USH2A: variants seen among roughly 807,000 people sequenced by gnomAD.
The protein encoded by USH2A is Usher syndrome 2A (autosomal recessive, mild).
USH2A carries 443 observed loss-of-function variants against 538.9 expected under a neutral mutation model. The ratio of observed to expected loss-of-function variants is 0.82; its 90% CI spans 0.76 to 0.89. The LOEUF (loss-of-function observed/expected upper bound fraction) is 0.89, where lower values mean the gene tolerates loss of function less well. Ranked by LOEUF, USH2A falls within the 40% of genes least tolerant of loss-of-function variation. The pLI, the probability that USH2A is intolerant of heterozygous loss-of-function variation, is 0.00. For synonymous variants in USH2A, 2,413 were observed against 2,273.5 expected, an observed-to-expected ratio of 1.06 and a Z score of -1.75; for missense variants, 6,633 against 6,324.8, an observed-to-expected ratio of 1.05 and a Z score of -1.65.
chr1:216,042,923 G>A (rs2102521739), intron 32 of USH2A, among the ~76,000 whole-genome samples: 1 of 152,132 alleles, frequency 6.6e-6, no homozygotes, highest in African/African-American at 2.4e-5. Context: ...CTACAGTGAG[G>A]AGGCCACTAT....
chr1:216,279,325 T>G (rs1370900200), intron 11 of USH2A, among the ~76,000 whole-genome samples: 1 of 152,144 alleles, frequency 6.6e-6, no homozygotes, highest in Non-Finnish European at 1.5e-5. Flanking sequence ...TAACTTAATT[T>G]GGATGACTTG....
chr1:215,902,804 A>C (rs1665535201), intron 38 of USH2A, among the ~76,000 whole-genome samples: 1 of 152,118 alleles, frequency 6.6e-6, no homozygotes, highest in Non-Finnish European at 1.5e-5. Flanking sequence ...AAAGGCAGTA[A>C]GGAGGAAAAC....
At chr1:216,102,360 T>G (rs2032602832) in intron 21 of USH2A, among the ~76,000 whole-genome samples, 1 of 149,626 alleles carries the variant, frequency 6.7e-6, no homozygotes, top group East Asian at 1.9e-4. Context: ...CACGTATATA[T>G]TACATATATT....
intron 19 of USH2A, among the ~76,000 whole-genome samples, chr1:216,191,477 G>A (rs2034715605): frequency 1.3e-5 from 2 of 151,798 alleles, no homozygotes; most frequent in Admixed American, 6.6e-5. Flanking sequence ...AAATAAAGGT[G>A]TTTTTAAAGA....
At chr1:216,143,433 T>C (rs1262135514) in intron 21 of USH2A, among the ~76,000 whole-genome samples, 1 of 152,150 alleles carries the variant, frequency 6.6e-6, no homozygotes, top group Non-Finnish European at 1.5e-5. Flanking sequence ...TTAATAAATA[T>C]AAAGCAAATC....
intron 32 of USH2A, among the ~76,000 whole-genome samples, chr1:216,008,663 C>A (rs1012111283): frequency 6.6e-6 from 1 of 152,168 alleles, no homozygotes; most frequent in African/African-American, 2.4e-5. Flanking sequence ...GGTCCTCAGA[C>A]CCACCAGCCC....
chr1:216,120,528 C>T (rs920733532), intron 21 of USH2A, among the ~76,000 whole-genome samples: 1 of 151,716 alleles, frequency 6.6e-6, no homozygotes, highest in Non-Finnish European at 1.5e-5. Flanking sequence ...TACAGGCTCC[C>T]GCCACAGCGC....
intron 64 of USH2A, among the ~76,000 whole-genome samples, chr1:215,661,781 C>T (rs1215938771): frequency 6.6e-6 from 1 of 152,082 alleles, no homozygotes; most frequent in Non-Finnish European, 1.5e-5. Flanking sequence ...TATCAAGGTG[C>T]CACCTGTCCT....
intron 64 of USH2A, among the ~76,000 whole-genome samples, chr1:215,658,179 C>A (rs1196411455): frequency 6.6e-6 from 1 of 151,928 alleles, no homozygotes; most frequent in Non-Finnish European, 1.5e-5. Context: ...TCGTGATCCG[C>A]CCGCCTTGGC....
chr1:216,233,912 G>A (rs2035753749), intron 13 of USH2A, among the ~76,000 whole-genome samples: 1 of 152,032 alleles, frequency 6.6e-6, no homozygotes, highest in African/African-American at 2.4e-5. Flanking sequence ...ACAGACCCAT[G>A]GGTACACACA....
chr1:215,877,722 TGCCA>T, intron 43 of USH2A, 32 bp downstream of exon 43: 1 of 1,612,600 alleles, frequency 6.2e-7, no homozygotes, highest in Non-Finnish European at 8.5e-7. Context: ...CAGAACTAAA[TGCCA>T]GCATTTGTTT....
chr1:215,743,334 C>A lies in USH2A; in HGVS notation c.11391G>T (p.Gly3797=). 6.3e-7 allele frequency: 1 copy of A among 1,589,812 alleles called. No individual in the cohort carries two copies. Among genetic ancestry groups the A allele is most frequent in the Non-Finnish European group, 8.6e-7 (1 of 1,168,438 alleles). Residue 3797 remains glycine, a splice_region_variant and synonymous_variant, in exon 59 of 72, where the codon GGG becomes GGT. Transcript: ENST00000307340. The part of the protein sequence containing the change: ...YSIFVAWIPP[G]ILIPEIPVEY... ...CCACAGGAATTTCGGGGATGAGGAT[C>A]CCTTTAAAGAGAGAGAGAGAGAGAG...
At chr1:216,326,084 G>A (rs1039947848) in intron 5 of USH2A, among the ~76,000 whole-genome samples, 4 of 152,290 alleles carry the variant, frequency 2.6e-5, no homozygotes, top group South Asian at 2.1e-4. Flanking sequence ...AAGGACTGAG[G>A]CCAAGGCCAT....
chr1:216,216,873 C>A (rs567922876), intron 15 of USH2A, among the ~76,000 whole-genome samples: 2 of 151,816 alleles, frequency 1.3e-5, no homozygotes, highest in Admixed American at 6.6e-5. Flanking sequence ...ATATGCGTGA[C>A]GAATGATACT....
At chr1:215,891,048 GA>G (rs1665197565) in intron 40 of USH2A, among the ~76,000 whole-genome samples, 1 of 152,148 alleles carries the variant, frequency 6.6e-6, no homozygotes, top group Admixed American at 6.5e-5. Flanking sequence ...AAACAACAAT[GA>G]TGCAGTTTGT....
chr1:216,401,022 A>C (rs2039294719), intron 3 of USH2A, among the ~76,000 whole-genome samples: 1 of 152,232 alleles, frequency 6.6e-6, no homozygotes, highest in South Asian at 2.1e-4. Flanking sequence ...GAATAAAATT[A>C]GGGGGAAATA....
At chr1:215,783,317 C>A (rs1021332946) in intron 52 of USH2A, among the ~76,000 whole-genome samples, 8 of 152,102 alleles carry the variant, frequency 5.3e-5, no homozygotes, top group African/African-American at 1.7e-4. Context: ...TATCATAGAA[C>A]TTATAAATTA....
At chr1:216,002,100 T>C (rs1316044621) in intron 32 of USH2A, among the ~76,000 whole-genome samples, 5 of 152,094 alleles carry the variant, frequency 3.3e-5, no homozygotes, top group Non-Finnish European at 7.4e-5. Flanking sequence ...GCACTATAGG[T>C]ACACGACTGA....
intron 56 of USH2A, among the ~76,000 whole-genome samples, chr1:215,765,102 C>T (rs537455136): frequency 6.6e-5 from 10 of 152,048 alleles, no homozygotes; most frequent in Admixed American, 3.3e-4. Flanking sequence ...TTTCATATTT[C>T]CAATGAATTT....
Sources: allele counts gnomAD v4.1 joint callset (sites outside exome capture counted in the v4.1 genomes callset), GRCh38; gene constraint gnomAD v4.1.1; transcripts MANE v1.5; gene names NCBI Gene and HGNC (gene_info 2026-07-23, HGNC 2026-07-21).